Variants in MYOM1 observed in about 807,000 individuals in gnomAD.
The protein encoded by MYOM1 is myomesin 1, also known as myomesin-1.
In MYOM1, 164 loss-of-function variants were observed where a neutral mutation model predicts 205.3. The ratio of observed to expected loss-of-function variants is 0.80; its 90% CI spans 0.70 to 0.91. MYOM1 has a LOEUF of 0.91. Ranked by LOEUF, MYOM1 falls within the 40% of genes least tolerant of loss-of-function variation. The probability of loss-of-function intolerance (pLI) is 0.00; values close to 1 mark genes in which losing one functional copy is unlikely to be tolerated. For missense variants in MYOM1, 2,011 were observed against 2,127.3 expected, an observed-to-expected ratio of 0.95 and a Z score of 1.08; for synonymous variants, 772 against 789.4, an observed-to-expected ratio of 0.98 and a Z score of 0.37.
intron 3 of MYOM1, among the ~76,000 whole-genome samples, chr18:3,193,607 AG>A (rs1567961597): frequency 6.6e-6 from 1 of 152,142 alleles, no homozygotes; most frequent in African/African-American, 2.4e-5. Flanking sequence ...CTCTCAGTGC[AG>A]GGTTCCCAGC....
At chr18:3,239,265 C>T in the MYOM1 span, among the ~76,000 whole-genome samples, 3 of 152,134 alleles carry the variant, frequency 2.0e-5, no homozygotes, top group Non-Finnish European at 2.9e-5. Context: ...AGGAGAGTTC[C>T]TCTCTAGTTA....
At chr18:3,109,888 G>C (rs1327776188) in intron 22 of MYOM1, among the ~76,000 whole-genome samples, 1 of 152,142 alleles carries the variant, frequency 6.6e-6, no homozygotes, top group Non-Finnish European at 1.5e-5. Flanking sequence ...GACTCCCAAA[G>C]TGTTGGGATT....
chr18:3,090,905 G>A (rs1226647333), intron 26 of MYOM1, 103 bp from the exon 27 acceptor site: 4 of 1,406,178 alleles, frequency 2.8e-6, no homozygotes, highest in Non-Finnish European at 2.9e-6. Flanking sequence ...AAGGCTAGAT[G>A]CAGTGCCTGT....
At position 3,089,295 on chromosome 18, in the gene MYOM1, C is replaced by A; in HGVS notation, c.4070-54G>T. On this transcript the variant is annotated intron_variant, in intron 28 of 37. Transcript: ENST00000356443. Reference sequence around the variant, plus strand: ...ACTCTATTAATCACAAATGCAAAATCAAAGCTCACACTTAAGTCCTAAGGT... The same window carrying A: ...ACTCTATTAATCACAAATGCAAAATAAAAGCTCACACTTAAGTCCTAAGGT... 2.2e-6 allele frequency: 3 copies of A among 1,383,856 alleles called. No individual in the cohort carries two copies. The South Asian group carries it at 3.7e-5, about 17-fold the overall frequency. The allele number at this position is 1,383,856 out of a possible 1,614,324, so 85.7% of individuals were successfully genotyped here. A position where few individuals can be genotyped will look rare whatever the true frequency, so the allele number is the denominator to read the frequency against.
At chr18:3,120,091 A>C in intron 19 of MYOM1, 96 bp from the exon 20 acceptor site, 1 of 1,466,968 alleles carries the variant, frequency 6.8e-7, no homozygotes, top group South Asian at 1.4e-5. Flanking sequence ...TCCATGTCAG[A>C]CACACCCTAG....
At chr18:3,217,524 G>C (rs1421118022) in intron 1 of MYOM1, among the ~76,000 whole-genome samples, 1 of 152,182 alleles carries the variant, frequency 6.6e-6, no homozygotes, top group African/African-American at 2.4e-5. Flanking sequence ...TTTTAAGTGG[G>C]AAGCTGGATA....
chr18:3,238,583 T>TTTGTTG, the MYOM1 span, among the ~76,000 whole-genome samples: 176 of 152,324 alleles, frequency 1.2e-3, no homozygotes, highest in African/African-American at 4.1e-3. Context: ...GAAGCGAGTT[T>TTTGTTG]TTGTTGTTTG....
chr18:3,083,408 CT>C (rs200330786), intron 33 of MYOM1, among the ~76,000 whole-genome samples: 6,369 of 137,836 alleles, frequency 0.046, 490 homozygotes, highest in African/African-American at 0.16. Flanking sequence ...TCTTTCTTTT[CT>C]TTTTTCTTTT....
chr18:3,225,255 G>T, the MYOM1 span, among the ~76,000 whole-genome samples: 1 of 152,076 alleles, frequency 6.6e-6, no homozygotes, highest in African/African-American at 2.4e-5. Context: ...CCAAAGTGCC[G>T]GGATTACAGG....
chr18:3,162,895 G>A (rs2080414056), intron 10 of MYOM1, among the ~76,000 whole-genome samples: 1 of 152,154 alleles, frequency 6.6e-6, no homozygotes, highest in East Asian at 1.9e-4. Flanking sequence ...GCATGGTGGT[G>A]GGCGCCTGTA....
chr18:3,104,180 T>G lies in MYOM1; in HGVS notation c.3419-1550A>C, dbSNP rs762400357. 2.0e-4 allele frequency among the ~76,000 whole-genome samples: 31 copies of G among 152,364 alleles called. No individual in the cohort carries two copies. In the South Asian group the frequency reaches 2.1e-3, roughly 10 times the overall value. ...CGTATAATAAATGTTGAACAAATGC[T>G]TTTATTAAAACTTAAGAAAAGGCTA... On this transcript the variant is annotated intron_variant, in intron 22 of 37. Transcript: ENST00000356443.
chr18:3,225,987 T>C, the MYOM1 span, among the ~76,000 whole-genome samples: 2 of 152,176 alleles, frequency 1.3e-5, no homozygotes, highest in Admixed American at 6.6e-5. Context: ...TCCAGAAATA[T>C]GACACAATTT....
intron 23 of MYOM1, among the ~76,000 whole-genome samples, chr18:3,101,667 G>A (rs1032833589): frequency 3.3e-5 from 5 of 152,068 alleles, no homozygotes; most frequent in Admixed American, 1.3e-4. Context: ...TTGAACCAGC[G>A]AGTTCTTCCT....
At chr18:3,194,017 A>C (rs888596239) in intron 2 of MYOM1, 59 bp from the exon 3 acceptor site, 2 of 1,559,970 alleles carry the variant, frequency 1.3e-6, no homozygotes, top group African/African-American at 2.7e-5. Context: ...AATATTCAAA[A>C]TACGATAGAG....
intron 13 of MYOM1, among the ~76,000 whole-genome samples, chr18:3,142,359 C>T (rs1346740047): frequency 6.6e-6 from 1 of 151,904 alleles, no homozygotes; most frequent in East Asian, 1.9e-4. Flanking sequence ...CCTTCTGGGC[C>T]CAAGTGATCC....
the MYOM1 span, among the ~76,000 whole-genome samples, chr18:3,243,166 AAATT>A: frequency 1.3e-5 from 2 of 152,140 alleles, no homozygotes; most frequent in Non-Finnish European, 2.9e-5. Context: ...TGGTGCTCTA[AAATT>A]AATTATTATA....
At chr18:3,145,341 C>A (rs758567851) in intron 13 of MYOM1, among the ~76,000 whole-genome samples, 7 of 151,392 alleles carry the variant, frequency 4.6e-5, no homozygotes, top group Non-Finnish European at 1.0e-4. Context: ...GCTTTTCAAG[C>A]GCACACTAAA....
At chr18:3,172,006 T>C (rs2080564508) in intron 8 of MYOM1, among the ~76,000 whole-genome samples, 1 of 152,248 alleles carries the variant, frequency 6.6e-6, no homozygotes, top group African/African-American at 2.4e-5. Context: ...CTCTAAACTG[T>C]TTCCTCATTG....
intron 9 of MYOM1, among the ~76,000 whole-genome samples, chr18:3,166,045 G>C (rs78687447): frequency 6.6e-6 from 1 of 152,080 alleles, no homozygotes. Context: ...TGCCATTCCC[G>C]TATTTCCTCC....
Sources: gnomAD v4.1 joint callset for allele counts (sites outside exome capture counted in the v4.1 genomes callset) on GRCh38, gnomAD v4.1.1 for gene constraint, MANE v1.5 for transcripts, NCBI Gene and HGNC (gene_info 2026-07-23, HGNC 2026-07-21) for gene names.